Variants in RGS20 observed in about 807,000 individuals in gnomAD.
RGS20 encodes the protein gz-selective GTPase-activating protein.
A neutral mutation model predicts 33.6 loss-of-function variants in RGS20; 30 were observed. That is an observed-to-expected ratio of 0.89 (90% CI 0.67 to 1.21). RGS20 has a LOEUF of 1.21. RGS20 is among the 50% of genes most tolerant of loss of function. The pLI is 0.00. For missense variants in RGS20, 472 were observed against 502.4 expected (o/e 0.94, Z 0.58); for synonymous variants, 208 against 197.9 (o/e 1.05, Z -0.43).
At chr8:53,954,036 A>T (rs1814787571) in intron 4 of RGS20, 40 bp from the exon 4 acceptor site, 1 of 1,335,722 alleles carries the variant, frequency 7.5e-7, no homozygotes, top group African/African-American at 1.4e-5. Flanking sequence ...ACTACCACTA[A>T]CAGTTCCCTT....
chr8:53,865,380 AAGAGAT>A (rs1811896882), intron 1 of RGS20, among the ~76,000 whole-genome samples: 4 of 152,258 alleles, frequency 2.6e-5, no homozygotes, highest in African/African-American at 9.6e-5. Context: ...GTAATTGAGA[AAGAGAT>A]GAGATGCATT....
intron 1 of RGS20, among the ~76,000 whole-genome samples, chr8:53,853,958 G>A (rs1262805924): frequency 6.6e-6 from 1 of 152,140 alleles, no homozygotes; most frequent in African/African-American, 2.4e-5. Flanking sequence ...TAATGTCTAA[G>A]AACATATATA....
chr8:53,869,487 C>A (rs1038571829), intron 1 of RGS20, among the ~76,000 whole-genome samples: 1 of 152,086 alleles, frequency 6.6e-6, no homozygotes, highest in Non-Finnish European at 1.5e-5. Flanking sequence ...ACCAGCCTGG[C>A]CAACATGGTG....
chr8:53,955,194 A>C (rs1814831182), intron 5 of RGS20, among the ~76,000 whole-genome samples: 1 of 151,422 alleles, frequency 6.6e-6, no homozygotes, highest in South Asian at 2.1e-4. Context: ...TTTTCAGATC[A>C]CTTTGACTGT....
At chr8:53,928,339 G>A (rs574210957) in intron 2 of RGS20, among the ~76,000 whole-genome samples, 32 of 152,272 alleles carry the variant, frequency 2.1e-4, no homozygotes, top group Admixed American at 1.6e-3. Flanking sequence ...GGAAGTGAAA[G>A]CCATTCCCAT....
intron 2 of RGS20, among the ~76,000 whole-genome samples, chr8:53,884,799 T>A (rs1812492380): frequency 2.6e-5 from 4 of 152,248 alleles, no homozygotes; most frequent in Admixed American, 6.5e-5. Flanking sequence ...GGCAGTCATG[T>A]CGTGGCTACT....
intron 2 of RGS20, among the ~76,000 whole-genome samples, chr8:53,912,215 T>C (rs1813363961): frequency 6.6e-6 from 1 of 152,142 alleles, no homozygotes; most frequent in African/African-American, 2.4e-5. Context: ...GGATACTCAG[T>C]ATCCCAGTTC....
Position 53,879,542 on chromosome 8 carries a change from C to G in RGS20, c.450C>G (p.Pro150=), listed in dbSNP as rs1209444639. 2 of 1,542,814 alleles carry G rather than the reference C, an allele frequency of 1.3e-6. No homozygotes were observed. Among genetic ancestry groups the G allele is most frequent in the South Asian group, 1.2e-5 (1 of 83,436 alleles). ...CGGGGGGTCGTCCGCTGAGGCCCCC[C>G]CATCCGGTAGCCAAGCCCAGGGAAG... Residue 150 remains proline (P), a synonymous_variant, in exon 2 of 6, where the codon CCC becomes CCG. Coordinates refer to ENST00000297313, the MANE Select transcript of RGS20 (RefSeq NM_170587.4).
intron 2 of RGS20, among the ~76,000 whole-genome samples, chr8:53,937,522 A>C (rs1814169673): frequency 6.6e-6 from 1 of 152,138 alleles, no homozygotes; most frequent in African/African-American, 2.4e-5. Flanking sequence ...TAAAAGCAAA[A>C]ATTGACAAAT....
chr8:53,923,520 G>A (rs539137457), intron 2 of RGS20, among the ~76,000 whole-genome samples: 38 of 152,102 alleles, frequency 2.5e-4, no homozygotes, highest in Admixed American at 4.6e-4. Flanking sequence ...ACTTGAGCCC[G>A]GGAGGCAAAG....
chr8:53,858,835 G>A (rs1249546752), intron 1 of RGS20, among the ~76,000 whole-genome samples: 3 of 144,288 alleles, frequency 2.1e-5, no homozygotes, highest in African/African-American at 7.7e-5. Flanking sequence ...TGTAGGCCAT[G>A]TCCAATGCCT....
intron 1 of RGS20, among the ~76,000 whole-genome samples, chr8:53,858,921 G>T (rs532770677): frequency 1.3e-5 from 2 of 151,634 alleles, no homozygotes; most frequent in Non-Finnish European, 1.5e-5. Context: ...AACCGCGGGG[G>T]GTGGGGCAGA....
chr8:53,932,519 C>T (rs752990232), intron 2 of RGS20, among the ~76,000 whole-genome samples: 3 of 152,174 alleles, frequency 2.0e-5, no homozygotes, highest in Non-Finnish European at 4.4e-5. Flanking sequence ...CCAGGAAGTT[C>T]GAACTAGGAG....
Position 53,939,591 on chromosome 8 carries a change from C to A in RGS20, c.526C>A (p.Arg176=). The change falls in exon 3 of 6, where the codon CGG becomes AGG. Residue 176 remains arginine (R), a synonymous_variant. Transcript: ENST00000297313. ...CCTCTTGCAGCAGATGGGATCAGAG[C>A]GGATGGAGATGCGGAAGCGGCAGAT... 1 of 1,600,066 alleles carries A rather than the reference C, an allele frequency of 6.2e-7. No individual in the cohort carries two copies. Among genetic ancestry groups the A allele is most frequent in the East Asian group, 2.3e-5 (1 of 44,368 alleles).
rs756929720 is a variant in RGS20, at chr8:53,881,064, G to T, written c.510+1462G>T. ...GCCGGCCGGGGCTTCCTCCCCGGCC[G>T]GCAGGGTGGACGGTGGGCTCGTGAG... is the stretch of plus-strand genomic sequence containing the variant. On this transcript the variant is annotated intron_variant, in intron 2 of 5. Transcript: ENST00000297313. The T allele has an allele frequency of 3.9e-6, 6 of 1,524,774 alleles. No individual in the cohort carries two copies. The East Asian group carries it at 1.5e-4, about 37-fold the overall frequency. 94.5% of individuals were successfully genotyped at this position (1,524,774 alleles called of 1,614,324 possible).
chr8:53,885,101 A>G (rs1446941962), intron 2 of RGS20, among the ~76,000 whole-genome samples: 1 of 152,232 alleles, frequency 6.6e-6, no homozygotes, highest in African/African-American at 2.4e-5. Flanking sequence ...AGGAGATTTT[A>G]TTATTCTAGA....
intron 2 of RGS20, among the ~76,000 whole-genome samples, chr8:53,895,221 C>T (rs988705842): frequency 6.6e-6 from 1 of 152,026 alleles, no homozygotes; most frequent in African/African-American, 2.4e-5. Flanking sequence ...ACATGTGTGG[C>T]CATGGAGAAG....
intron 2 of RGS20, among the ~76,000 whole-genome samples, chr8:53,932,248 C>G (rs1410802929): frequency 6.6e-6 from 1 of 152,094 alleles, no homozygotes; most frequent in Non-Finnish European, 1.5e-5. Context: ...TTTTCATACC[C>G]CAGTTTCACC....
intron 3 of RGS20, among the ~76,000 whole-genome samples, chr8:53,944,555 A>T (rs1814415737): frequency 6.6e-6 from 1 of 150,804 alleles, no homozygotes; most frequent in African/African-American, 2.4e-5. Flanking sequence ...AAAAAAAAGT[A>T]TTTTAGGTGT....
Sources: gnomAD v4.1 joint callset for allele counts (sites outside exome capture counted in the v4.1 genomes callset) on GRCh38, gnomAD v4.1.1 for gene constraint, MANE v1.5 for transcripts, NCBI Gene and HGNC (gene_info 2026-07-23, HGNC 2026-07-21) for gene names.